Variants in ZNF442 observed in about 807,000 individuals in gnomAD.
ZNF442 encodes the protein zinc finger protein 442.
Under a neutral mutation model 57.0 loss-of-function variants are expected in ZNF442, and 45 were observed. The ratio of observed to expected loss-of-function variants is 0.79; its 90% confidence interval spans 0.62 to 1.01. ZNF442 has a LOEUF of 1.01. Among genes scored for constraint, ZNF442 ranks in the 50% least tolerant of loss-of-function variants. The pLI is 0.00. For synonymous variants in ZNF442, 213 were observed against 241.8 expected (o/e 0.88, Z 1.10); for missense variants, 690 against 756.5 (o/e 0.91, Z 1.03).
intron 3 of ZNF442, among the ~76,000 whole-genome samples, chr19:12,362,827 G>T (rs1969459049): frequency 6.6e-6 from 1 of 151,350 alleles, no homozygotes; most frequent in South Asian, 2.1e-4. Context: ...TGTGTAGAAA[G>T]AAGTAGACAC....
At chr19:12,361,767 C>T (rs563681667) in intron 3 of ZNF442, among the ~76,000 whole-genome samples, 137 of 149,176 alleles carry the variant, frequency 9.2e-4, no homozygotes, top group Non-Finnish European at 1.6e-3. Flanking sequence ...CCTCTGATGC[C>T]GAGCGGAGGC....
upstream of ZNF442, among the ~76,000 whole-genome samples, chr19:12,369,358 C>T (rs1386769821): frequency 6.6e-6 from 1 of 152,242 alleles, no homozygotes; most frequent in East Asian, 1.9e-4. Flanking sequence ...GTGGCTCACG[C>T]CTGTAATCCC....
intron 3 of ZNF442, among the ~76,000 whole-genome samples, chr19:12,362,376 C>A (rs556734358): frequency 6.6e-6 from 1 of 152,112 alleles, no homozygotes; most frequent in African/African-American, 2.4e-5. Context: ...GCGGCGACCC[C>A]GTCTGGGAAC....
At chr19:12,359,413 T>C (rs865982626) in intron 3 of ZNF442, among the ~76,000 whole-genome samples, 3 of 152,176 alleles carry the variant, frequency 2.0e-5, no homozygotes, top group Non-Finnish European at 4.4e-5. Context: ...TTTGCTTACA[T>C]AGATTATGCC....
At chr19:12,358,266 T>C (rs1031091990) in intron 3 of ZNF442, among the ~76,000 whole-genome samples, 9 of 152,200 alleles carry the variant, frequency 5.9e-5, no homozygotes, top group African/African-American at 1.9e-4. Context: ...CCTAGCCTAC[T>C]CACCCACTTT....
At chr19:12,355,029 C>T (rs539924608) in intron 3 of ZNF442, among the ~76,000 whole-genome samples, 3 of 152,038 alleles carry the variant, frequency 2.0e-5, no homozygotes, top group East Asian at 1.9e-4. Flanking sequence ...CGGTGGCTCA[C>T]GCCTGTAATC....
chr19:12,364,525 A>G (rs1353089700), intron 2 of ZNF442, among the ~76,000 whole-genome samples: 2 of 151,938 alleles, frequency 1.3e-5, no homozygotes, highest in Non-Finnish European at 2.9e-5. Flanking sequence ...AGGAGGGAGG[A>G]GTTCATGATG....
chr19:12,363,733 C>T (rs1184464172), intron 2 of ZNF442, 62 bp from the exon 3 acceptor site: 4 of 1,032,350 alleles, frequency 3.9e-6, no homozygotes, highest in South Asian at 1.3e-5. Context: ...AAATGGTATA[C>T]CAGAATATTC....
At chr19:12,359,990 A>C (rs1028871765) in intron 3 of ZNF442, among the ~76,000 whole-genome samples, 1 of 151,888 alleles carries the variant, frequency 6.6e-6, no homozygotes, top group Non-Finnish European at 1.5e-5. Flanking sequence ...GAAAAAAAAA[A>C]ATCTGATTCT....
Position 12,351,299 on chromosome 19 carries a change from ATCTC to A in ZNF442, c.282_285del (p.Glu94AspfsTer12). The A allele has an allele frequency of 6.2e-7, 1 of 1,613,388 alleles. No individual in the cohort carries two copies. Among genetic ancestry groups the A allele is most frequent in the Non-Finnish European group, 8.5e-7 (1 of 1,179,504 alleles). On this transcript the variant is annotated frameshift_variant, in exon 6 of 6. Transcript: ENST00000242804. LOFTEE classifies it high-confidence loss of function. ...CTATCTGGCTGGCGACTTTCACTAA[ATCTC>A]TCTATGATATGACATCTGTAAAACA...
chr19:12,371,340 TTCTC>T, the ZNF442 span, among the ~76,000 whole-genome samples: 47 of 152,128 alleles, frequency 3.1e-4, no homozygotes, highest in Non-Finnish European at 6.3e-4. Flanking sequence ...CACAAGACTG[TTCTC>T]TCTCTGAAGA....
At chr19:12,352,611 T>A (rs1969260148) in intron 4 of ZNF442, among the ~76,000 whole-genome samples, 1 of 152,226 alleles carries the variant, frequency 6.6e-6, no homozygotes, top group East Asian at 1.9e-4. Flanking sequence ...ACAATGAGGA[T>A]GAAAACCTTT....
upstream of ZNF442, among the ~76,000 whole-genome samples, chr19:12,368,186 A>G (rs1335935970): frequency 6.6e-6 from 1 of 152,178 alleles, no homozygotes; most frequent in Non-Finnish European, 1.5e-5. Flanking sequence ...ATTCAAATAC[A>G]AATGTTTTAC....
Position 12,347,119 on chromosome 19 carries a change from G to C in ZNF442, c.*2582C>G, listed in dbSNP as rs1328966623. ...GTTCAAAGGGTAACACTGCCCTCTA[G>C]GCAACATCGTGGAGGTCTATTTGAG... On this transcript the variant is annotated 3_prime_UTR_variant, in exon 6 of 6. Transcript: ENST00000242804. The C allele has an allele frequency of 1.3e-5, 2 of 152,172 alleles. No individual in the cohort carries two copies. The highest frequency in any genetic ancestry group is 4.8e-5 in the African/African-American group (2 of 41,436). 9.4% of individuals were successfully genotyped at this position (152,172 alleles called of 1,614,324 possible).
chr19:12,369,371 C>A (rs1253945974), upstream of ZNF442, among the ~76,000 whole-genome samples: 6 of 152,306 alleles, frequency 3.9e-5, no homozygotes, highest in East Asian at 3.9e-4. Flanking sequence ...GTAATCCCAG[C>A]ACTTTGGGAG....
chr19:12,352,105 A>G (rs1969249116), intron 4 of ZNF442, 35 bp from the exon 5 acceptor site: 1 of 1,587,830 alleles, frequency 6.3e-7, no homozygotes, highest in African/African-American at 1.4e-5. Context: ...ACTGTAGATT[A>G]TTATAAAATT....
At chr19:12,362,445 G>A (rs1286941983) in intron 3 of ZNF442, among the ~76,000 whole-genome samples, 2 of 151,072 alleles carry the variant, frequency 1.3e-5, no homozygotes, top group African/African-American at 2.4e-5. Context: ...GTCTCTGCCC[G>A]GCCGCCCCGT....
intron 3 of ZNF442, among the ~76,000 whole-genome samples, chr19:12,362,880 C>T (rs1969460032): frequency 6.8e-6 from 1 of 146,560 alleles, no homozygotes; most frequent in Admixed American, 6.7e-5. Flanking sequence ...ATTCTTCTGC[C>T]TTGGGAAAAA....
At position 12,363,410 on chromosome 19, in the gene ZNF442, C is replaced by T. The variant is rs534417933; in HGVS notation, c.78+144G>A. 7.0e-6 allele frequency: 5 copies of T among 717,070 alleles called. No individual in the cohort carries two copies. In the South Asian group the frequency reaches 8.8e-5, roughly 13 times the overall value. The allele number at this position is 717,070 out of a possible 1,614,324, so 44.4% of individuals were successfully genotyped here. ...ATCCCATCTCCTGGGACATTAGTCA[C>T]CCCCATCTGCTCAGTAAAGTGCTCA... On this transcript the variant is annotated intron_variant, in intron 3 of 5. Coordinates refer to ENST00000242804, the MANE Select transcript of ZNF442 (RefSeq NM_030824.3).
Sources: gnomAD v4.1 joint callset for allele counts (sites outside exome capture counted in the v4.1 genomes callset) on GRCh38, gnomAD v4.1.1 for gene constraint, MANE v1.5 for transcripts, NCBI Gene and HGNC (gene_info 2026-07-23, HGNC 2026-07-21) for gene names.